The following CATSPERT variants were observed in gnomAD, a reference collection of about 807,000 sequenced individuals.
CATSPERT encodes cation channel sperm-associated targeting subunit tau.
At chr2:201,562,082 T>C in the CATSPERT span, among the ~76,000 whole-genome samples, 3 of 152,064 alleles carry the variant, frequency 2.0e-5, no homozygotes, top group Non-Finnish European at 2.9e-5. Flanking sequence ...TCTCTTCTTA[T>C]CTTAGAGCTT....
the CATSPERT span, among the ~76,000 whole-genome samples, chr2:201,595,552 G>A: frequency 2.9e-4 from 44 of 152,246 alleles, no homozygotes; most frequent in African/African-American, 9.6e-4. Context: ...TCGGCCGTGT[G>A]AGGTGTCAGT....
At chr2:201,561,094 C>T in the CATSPERT span, among the ~76,000 whole-genome samples, 1 of 152,124 alleles carries the variant, frequency 6.6e-6, no homozygotes, top group Non-Finnish European at 1.5e-5. Context: ...CTCATGAATT[C>T]AATTACACTC....
At chr2:201,519,413 C>T in the CATSPERT span, among the ~76,000 whole-genome samples, 3 of 152,072 alleles carry the variant, frequency 2.0e-5, no homozygotes, top group Admixed American at 1.3e-4. Context: ...GTGACTATTA[C>T]ACCAGATATG....
chr2:201,494,766 T>A, the CATSPERT span: 6 of 1,485,256 alleles, frequency 4.0e-6, no homozygotes, highest in Admixed American at 7.5e-5. Flanking sequence ...GAAACTGCAA[T>A]ATTAAAAAAA....
chr2:201,493,868 A>C, the CATSPERT span: 1 of 1,536,766 alleles, frequency 6.5e-7, no homozygotes, highest in Non-Finnish European at 8.7e-7. Context: ...TCAGCTTCGA[A>C]GTGTTTTTTA....
chr2:201,491,724 AG>A, the CATSPERT span: 1 of 1,536,974 alleles, frequency 6.5e-7, no homozygotes, highest in South Asian at 1.2e-5. Flanking sequence ...TTTCCTGAAC[AG>A]TCCATTTATA....
At chr2:201,606,630 G>A in the CATSPERT span, among the ~76,000 whole-genome samples, 2 of 152,144 alleles carry the variant, frequency 1.3e-5, no homozygotes, top group Non-Finnish European at 2.9e-5. Flanking sequence ...CAGGCACGGT[G>A]GCTCACACCT....
At chr2:201,514,349 G>A in the CATSPERT span, among the ~76,000 whole-genome samples, 4 of 152,092 alleles carry the variant, frequency 2.6e-5, no homozygotes, top group African/African-American at 9.7e-5. Context: ...TAACCAAGTA[G>A]GGTTGATCCT....
chr2:201,578,305 AT>A, the CATSPERT span, among the ~76,000 whole-genome samples: 1 of 152,150 alleles, frequency 6.6e-6, no homozygotes, highest in Non-Finnish European at 1.5e-5. Context: ...AACAGAGAAA[AT>A]GCAAAAACCT....
the CATSPERT span, among the ~76,000 whole-genome samples, chr2:201,519,204 G>A: frequency 0.025 from 3,807 of 152,046 alleles, 82 homozygotes; most frequent in African/African-American, 0.059. Flanking sequence ...CAGCAAAGCC[G>A]CACCACCACT....
the CATSPERT span, among the ~76,000 whole-genome samples, chr2:201,588,216 T>C: frequency 6.6e-6 from 1 of 152,070 alleles, no homozygotes; most frequent in Non-Finnish European, 1.5e-5. Flanking sequence ...GCCAATATCC[T>C]TGATGAACAT....
At chr2:201,575,034 C>CAAAAAAAAAAAAAAAAAAAA in the CATSPERT span, among the ~76,000 whole-genome samples, 1 of 97,930 alleles carries the variant, frequency 1.0e-5, no homozygotes, top group African/African-American at 3.8e-5. Context: ...CACCATTTAG[C>CAAAAAAAAAAAAAAAAAAAA]AAAAAAAAAA....
chr2:201,603,327 C>T, the CATSPERT span: 3 of 1,532,012 alleles, frequency 2.0e-6, no homozygotes, highest in East Asian at 6.9e-5. Context: ...AAAAAGTTAA[C>T]TGTTCTTTCA....
At chr2:201,517,031 T>C in the CATSPERT span, among the ~76,000 whole-genome samples, 2 of 152,050 alleles carry the variant, frequency 1.3e-5, no homozygotes, top group African/African-American at 4.8e-5. Context: ...AGGGAATTTT[T>C]TCTTTCTGGC....
the CATSPERT span, among the ~76,000 whole-genome samples, chr2:201,513,108 T>G: frequency 0.3 from 43,315 of 146,438 alleles, 6,579 homozygotes; most frequent in Admixed American, 0.39. Context: ...AAAAGAAAAA[T>G]AAAAAAATAA....
At chr2:201,514,049 C>T in the CATSPERT span, among the ~76,000 whole-genome samples, 2 of 151,972 alleles carry the variant, frequency 1.3e-5, no homozygotes, top group Non-Finnish European at 2.9e-5. Flanking sequence ...TAAAGCAGTA[C>T]TTAGAAATTT....
the CATSPERT span, among the ~76,000 whole-genome samples, chr2:201,579,240 G>T: frequency 6.6e-6 from 1 of 151,744 alleles, no homozygotes; most frequent in South Asian, 2.1e-4. Flanking sequence ...TTTTATTTAT[G>T]TTTATGTTTT....
At chr2:201,580,167 G>A in the CATSPERT span, among the ~76,000 whole-genome samples, 1 of 152,102 alleles carries the variant, frequency 6.6e-6, no homozygotes, top group Non-Finnish European at 1.5e-5. Context: ...TTTTGATGAC[G>A]ATAAGTCATA....
At chr2:201,493,870 T>C in the CATSPERT span, 1 of 1,536,832 alleles carries the variant, frequency 6.5e-7, no homozygotes, top group Non-Finnish European at 8.7e-7. Context: ...AGCTTCGAAG[T>C]GTTTTTTAGA....
Sources: gnomAD v4.1 joint callset for allele counts (sites outside exome capture counted in the v4.1 genomes callset) on GRCh38, gnomAD v4.1.1 for gene constraint, MANE v1.5 for transcripts, NCBI Gene and HGNC (gene_info 2026-07-23, HGNC 2026-07-21) for gene names.